Variants in AXDND1 observed in about 807,000 individuals in gnomAD.
AXDND1 encodes the protein axonemal dynein light chain domain-containing protein 1.
A neutral mutation model predicts 137.5 loss-of-function variants in AXDND1; 110 were observed. The observed-to-expected ratio is 0.80, with a 90% CI of 0.69 to 0.94. The LOEUF (loss-of-function observed/expected upper bound fraction) is 0.94. Among genes scored for constraint, AXDND1 ranks in the 40% least tolerant of loss-of-function variants. The pLI is 0.00. For synonymous variants in AXDND1, 414 were observed against 399.7 expected (o/e 1.04, Z -0.43); for missense variants, 1,191 against 1,169.8 (o/e 1.02, Z -0.26).
intron 12 of AXDND1, among the ~76,000 whole-genome samples, chr1:179,413,147 A>G (rs995409114): frequency 2.8e-4 from 43 of 152,204 alleles, no homozygotes; most frequent in Admixed American, 2.2e-3. Flanking sequence ...AATATATTCA[A>G]TTTGACATTG....
intron 6 of AXDND1, among the ~76,000 whole-genome samples, chr1:179,381,614 G>T (rs1414417503): frequency 2.0e-5 from 3 of 151,960 alleles, no homozygotes; most frequent in Non-Finnish European, 4.4e-5. Flanking sequence ...AAAGTGCTGG[G>T]ATTACAGGTG....
At chr1:179,551,414 G>T (rs779073816) in intron 25 of AXDND1, 1 of 1,613,978 alleles carries the variant, frequency 6.2e-7, no homozygotes, top group Non-Finnish European at 8.5e-7. Flanking sequence ...CATCCTCAGG[G>T]ACTCAGAAGC....
At chr1:179,424,841 G>C (rs1656326803) in intron 12 of AXDND1, among the ~76,000 whole-genome samples, 1 of 152,084 alleles carries the variant, frequency 6.6e-6, no homozygotes, top group African/African-American at 2.4e-5. Flanking sequence ...GAGAACCTCT[G>C]ATGAATTTTT....
intron 11 of AXDND1, among the ~76,000 whole-genome samples, chr1:179,397,856 T>G (rs919334074): frequency 2.0e-5 from 3 of 152,234 alleles, no homozygotes; most frequent in African/African-American, 7.2e-5. Flanking sequence ...ACAGTCTTTT[T>G]TATACTGGCT....
intron 16 of AXDND1, among the ~76,000 whole-genome samples, chr1:179,465,540 G>T (rs1369720252): frequency 6.6e-6 from 1 of 152,238 alleles, no homozygotes; most frequent in East Asian, 1.9e-4. Context: ...CTACTGGGAG[G>T]TGTCTCCCAG....
intron 11 of AXDND1, among the ~76,000 whole-genome samples, chr1:179,405,125 A>G (rs1176128400): frequency 1.3e-5 from 2 of 148,684 alleles, no homozygotes; most frequent in Admixed American, 6.7e-5. Context: ...TCCTGTGTCC[A>G]TGTGTTTTCA....
rs923137377 is a variant in AXDND1, at chr1:179,491,723, C to A, written c.2277C>A (p.Ser759=). The change falls in exon 19 of 26, where the codon TCC becomes TCA. Residue 759 remains serine (S), a synonymous_variant. Transcript: ENST00000367618. Reference sequence around the variant, plus strand: ...TGACAAGGAAGTTGTACCAATACTCCAGCTATTTGAGCAGGTGAAGCGGTT... The same window carrying A: ...TGACAAGGAAGTTGTACCAATACTCAAGCTATTTGAGCAGGTGAAGCGGTT... ...IELTRKLYQY[S]SYLSSCCKGM... 1 of 1,561,034 alleles carries A rather than the reference C, an allele frequency of 6.4e-7. No homozygotes were observed. The highest frequency in any genetic ancestry group is 8.7e-7 in the Non-Finnish European group (1 of 1,155,938).
Position 179,378,625 on chromosome 1 carries a change from C to A in AXDND1, c.375-12C>A. The A allele has an allele frequency of 5.8e-6, 9 of 1,560,346 alleles. No individual in the cohort carries two copies. The highest frequency in any genetic ancestry group is 7.8e-6 in the Non-Finnish European group (9 of 1,149,196). The stretch of plus-strand genomic sequence containing the variant: ...AAATTTGTTTTGTAAATATATTTTT[C>A]TTACTTTTTAGGGATATTTCTTTTC... On this transcript the variant is annotated splice_polypyrimidine_tract_variant and intron_variant, in intron 4 of 25. Coordinates refer to ENST00000367618, the MANE Select transcript of AXDND1 (RefSeq NM_144696.6).
chr1:179,533,900 G>A (rs777496662), intron 24 of AXDND1, 23 bp downstream of exon 24: 9 of 1,597,036 alleles, frequency 5.6e-6, no homozygotes, highest in Admixed American at 3.3e-5. Context: ...CAACACAATG[G>A]TAAGAGGATG....
chr1:179,380,516 G>A (rs1648083793), intron 6 of AXDND1, among the ~76,000 whole-genome samples: 1 of 152,150 alleles, frequency 6.6e-6, no homozygotes, highest in African/African-American at 2.4e-5. Flanking sequence ...GCTCCACATT[G>A]CAGACTCATT....
chr1:179,485,904 G>A (rs191319526), intron 18 of AXDND1, among the ~76,000 whole-genome samples: 8 of 152,158 alleles, frequency 5.3e-5, no homozygotes, highest in African/African-American at 1.7e-4. Context: ...GATCGACTGA[G>A]GTCAGGAGTT....
At chr1:179,407,198 A>G (rs1288879807) in intron 11 of AXDND1, among the ~76,000 whole-genome samples, 1 of 151,380 alleles carries the variant, frequency 6.6e-6, no homozygotes, top group Non-Finnish European at 1.5e-5. Flanking sequence ...TGCTAGGTAC[A>G]GAATTCTTGG....
At chr1:179,435,591 G>A (rs756543515) in intron 15 of AXDND1, among the ~76,000 whole-genome samples, 1 of 152,112 alleles carries the variant, frequency 6.6e-6, no homozygotes, top group Non-Finnish European at 1.5e-5. Context: ...ACATGCAATG[G>A]GGAAAAGGTT....
chr1:179,369,038 T>G, intron 3 of AXDND1, 66 bp downstream of exon 3: 1 of 1,415,602 alleles, frequency 7.1e-7, no homozygotes, highest in South Asian at 1.3e-5. Flanking sequence ...ATTCTTTAAG[T>G]ATTTATTATG....
At chr1:179,508,335 C>CA (rs11298194) in intron 20 of AXDND1, among the ~76,000 whole-genome samples, 8 of 139,920 alleles carry the variant, frequency 5.7e-5, no homozygotes, top group African/African-American at 1.6e-4. Context: ...GACCCTGTCT[C>CA]AAAAAAAAAA....
chr1:179,417,943 T>G (rs1222932152), intron 12 of AXDND1, among the ~76,000 whole-genome samples: 2 of 151,386 alleles, frequency 1.3e-5, no homozygotes, highest in East Asian at 3.8e-4. Flanking sequence ...TTAGGTATTT[T>G]ATATTATTTA....
chr1:179,425,220 G>T (rs1656375823), intron 12 of AXDND1, among the ~76,000 whole-genome samples: 1 of 152,184 alleles, frequency 6.6e-6, no homozygotes. Context: ...CTCCTTTTCA[G>T]CACTACATGG....
chr1:179,386,493 G>T (rs1410418556), intron 9 of AXDND1, among the ~76,000 whole-genome samples: 2 of 151,794 alleles, frequency 1.3e-5, no homozygotes, highest in South Asian at 2.1e-4. Flanking sequence ...GAACATTTTT[G>T]GCTATTTCTT....
At chr1:179,411,102 G>A (rs889077283) in intron 11 of AXDND1, 44 bp from the exon 12 acceptor site, 2 of 1,428,946 alleles carry the variant, frequency 1.4e-6, no homozygotes, top group Admixed American at 2.3e-5. Flanking sequence ...TGTCTATATT[G>A]TTAGTATAAA....
Sources: allele counts gnomAD v4.1 joint callset (sites outside exome capture counted in the v4.1 genomes callset), GRCh38; gene constraint gnomAD v4.1.1; transcripts MANE v1.5; gene names NCBI Gene and HGNC (gene_info 2026-07-23, HGNC 2026-07-21).